The following DLG4 variants were observed in gnomAD, a reference collection of about 807,000 sequenced individuals.
DLG4 encodes discs large MAGUK scaffold protein 4.
In DLG4, 7 loss-of-function variants were observed where a neutral mutation model predicts 93.8. The ratio of observed to expected loss-of-function variants is 0.07; its 90% CI spans 0.04 to 0.14. The LOEUF is 0.14. Ranked by LOEUF, DLG4 falls within the 10% of genes least tolerant of loss-of-function variation. The probability of loss-of-function intolerance (pLI) is 1.00; values close to 1 mark genes in which losing one functional copy is unlikely to be tolerated. For synonymous variants in DLG4, 341 were observed against 387.6 expected (o/e 0.88, Z 1.41); for missense variants, 545 against 992.9 (o/e 0.55, Z 6.06).
chr17:7,194,073 T>G lies in DLG4; in HGVS notation c.1479-73A>C. 1.3e-6 allele frequency: 2 copies of G among 1,564,856 alleles called. No homozygotes were observed. The highest frequency in any genetic ancestry group is 4.6e-5 in the East Asian group (2 of 43,146). ...TGCCACCCCCATGCTCTGAGCCAGC[T>G]GACAACCCCTTCTCCATACTCTGGG... On this transcript the variant is annotated intron_variant, in intron 12 of 19. Transcript: ENST00000399506. The surrounding 1 kb of genome is among the most constrained non-coding windows in gnomAD (Gnocchi z 4.4).
In DLG4 at chr17:7,191,464, C is replaced by CAA. The variant is rs112846923; in HGVS notation, c.1977-108_1977-107dup. 136 of 674,004 alleles carry CAA rather than the reference C, an allele frequency of 2.0e-4. No individual in the cohort carries two copies. The highest frequency in any genetic ancestry group is 1.3e-3 in the African/African-American group (70 of 53,572). 41.8% of individuals were successfully genotyped at this position (674,004 alleles called of 1,614,324 possible). ...GTATTCTTCTATTTGGAGCACATAG[C>CAA]AAAAAAAAAAATACAATTCCCAATA... is the stretch of plus-strand genomic sequence containing the variant. On this transcript the variant is annotated intron_variant, in intron 18 of 19. Transcript: ENST00000399506. The surrounding 1 kb of genome is among the most constrained non-coding windows in gnomAD (Gnocchi z 6.6).
rs1020381994 is a variant in DLG4, at chr17:7,194,891, T to C, written c.1302-396A>G. Among the ~76,000 whole-genome samples, 6 of 151,448 alleles carry C rather than the reference T, an allele frequency of 4.0e-5. No individual in the cohort carries two copies. Among genetic ancestry groups the C allele is most frequent in the East Asian group, 1.9e-4 (1 of 5,132 alleles). On this transcript the variant is annotated intron_variant, in intron 11 of 19. Transcript: ENST00000399506. The surrounding 1 kb of genome is among the most constrained non-coding windows in gnomAD (Gnocchi z 4.4). ...AATATTAGCCGGGCACGGTGGCGGG[T>C]GCCTGTATTCCCAGCTTCTCGGGAG...
intron 1 of DLG4, chr17:7,213,952 G>A (rs2142926455): frequency 2.3e-6 from 1 of 440,036 alleles, no homozygotes; most frequent in East Asian, 7.3e-5. Context: ...TTTCCTTCTA[G>A]AATAGAAAAC....
intron 1 of DLG4, among the ~76,000 whole-genome samples, chr17:7,215,363 C>A (rs2070866016): frequency 6.6e-6 from 1 of 152,202 alleles, no homozygotes; most frequent in African/African-American, 2.4e-5. Context: ...ACCCACCCAC[C>A]CAGAATAGCT....
In DLG4 at chr17:7,203,138, G is replaced by A; in HGVS notation, c.642+55C>T. The A allele has an allele frequency of 3.2e-6, 5 of 1,569,614 alleles. No individual in the cohort carries two copies. The highest frequency in any genetic ancestry group is 3.5e-6 in the Non-Finnish European group (4 of 1,149,878). On this transcript the variant is annotated intron_variant, in intron 7 of 19. Coordinates refer to ENST00000399506, the MANE Select transcript of DLG4 (RefSeq NM_001321075.3). This position sits in a 1 kb window ranked among gnomAD's most constrained non-coding sequence, Gnocchi z 7.2. ...AAGTGATGAACTTGGGCCTGCCAGG[G>A]CTAGTAGGTGAGACCCAAATCTGGG...
chr17:7,196,880 G>A lies in DLG4; in HGVS notation c.960C>T (p.Ser320=). The change falls in exon 9 of 20, where the codon TCC becomes TCT. Residue 320 remains serine (S), a synonymous_variant. Coordinates refer to ENST00000399506, the MANE Select transcript of DLG4 (RefSeq NM_001321075.3). This position sits in a 1 kb window ranked among gnomAD's most constrained non-coding sequence, Gnocchi z 8.3. ...CCACGATGTTGAAGCCCAGGCCCGTGGAGCCCCGGTGGATCACAATTCGCC... is the reference window on the plus strand; with the variant it reads ...CCACGATGTTGAAGCCCAGGCCCGTAGAGCCCCGGTGGATCACAATTCGCC... The part of the protein sequence containing the change: ...EPRRIVIHRG[S]TGLGFNIVGG... 8 of 1,613,852 alleles carry A rather than the reference G, an allele frequency of 5.0e-6. No homozygotes were observed. The highest frequency in any genetic ancestry group is 6.8e-6 in the Non-Finnish European group (8 of 1,179,846).
upstream of DLG4, chr17:7,218,450 T>C (rs1315539386): frequency 6.3e-6 from 9 of 1,432,460 alleles, no homozygotes; most frequent in Non-Finnish European, 8.7e-6. Flanking sequence ...TGCTCCAGCT[T>C]GGACCAAATG....
chr17:7,194,544 A>G lies in DLG4; in HGVS notation c.1302-49T>C. ...CAGAGCCCAGCTGAGGACTCCAGGA[A>G]GGATGCCCCAGTCACCCAAAGACCC... is the stretch of plus-strand genomic sequence containing the variant. On this transcript the variant is annotated intron_variant, in intron 11 of 19. Coordinates refer to ENST00000399506, the MANE Select transcript of DLG4 (RefSeq NM_001321075.3). This position sits in a 1 kb window ranked among gnomAD's most constrained non-coding sequence, Gnocchi z 4.4. 2 of 1,551,834 alleles carry G rather than the reference A, an allele frequency of 1.3e-6. No homozygotes were observed. The highest frequency in any genetic ancestry group is 1.2e-5 in the South Asian group (1 of 83,978).
chr17:7,210,178 GA>G (rs1342083963), intron 1 of DLG4, among the ~76,000 whole-genome samples: 2 of 152,188 alleles, frequency 1.3e-5, no homozygotes, highest in East Asian at 3.8e-4. Flanking sequence ...GCCAATCCTT[GA>G]GTAGGATTCT....
In DLG4 at chr17:7,194,624, C is replaced by T. The variant is rs960445571; in HGVS notation, c.1302-129G>A. 3 of 967,418 alleles carry T rather than the reference C, an allele frequency of 3.1e-6. No homozygotes were observed. Among genetic ancestry groups the T allele is most frequent in the Non-Finnish European group, 4.5e-6 (3 of 664,460 alleles). The allele number at this position is 967,418 out of a possible 1,614,324, so 59.9% of individuals were successfully genotyped here. On this transcript the variant is annotated intron_variant, in intron 11 of 19. Transcript: ENST00000399506. This position sits in a 1 kb window ranked among gnomAD's most constrained non-coding sequence, Gnocchi z 4.4. Reference sequence around the variant, plus strand: ...TGGGAGCTATGGATGCCGAGGAACCCAAAACTGTGTGGGGACCAAACGCTG... The same window carrying T: ...TGGGAGCTATGGATGCCGAGGAACCTAAAACTGTGTGGGGACCAAACGCTG...
upstream of DLG4, chr17:7,219,896 A>G: frequency 7.5e-7 from 1 of 1,332,128 alleles, no homozygotes; most frequent in Non-Finnish European, 1.0e-6. Context: ...GTGGACGATG[A>G]GTCAGGGTTA....
At chr17:7,190,947 G>A (rs2736879) in intron 19 of DLG4, 133 bp from the exon 20 acceptor site, 42 of 613,058 alleles carry the variant, frequency 6.9e-5, no homozygotes, top group African/African-American at 6.7e-4. Context: ...GGCTGCACCC[G>A]CCCACAGGGG....
At position 7,203,744 on chromosome 17, in the gene DLG4, A is replaced by T. The variant is rs1387663370; in HGVS notation, c.283T>A (p.Phe95Ile). Residue 95 changes from phenylalanine (F) to isoleucine (I), a missense_variant, in exon 5 of 20, where the codon TTC becomes ATC. This residue lies in a region of DLG4 where 33 missense variants were observed against 107.5 expected (regional missense o/e 0.31). Transcript: ENST00000399506. The surrounding 1 kb of genome is among the most constrained non-coding windows in gnomAD (Gnocchi z 7.2). ...NPHIGDDPSI[F>I]ITKIIPGGAA... Reference sequence around the variant, plus strand: ...CCACCAGGAATGATCTTGGTGATGAAAATGGATGGGTCGTCACCGATGTGT... The same window carrying T: ...CCACCAGGAATGATCTTGGTGATGATAATGGATGGGTCGTCACCGATGTGT... 6.2e-7 allele frequency: 1 copy of T among 1,613,786 alleles called. No homozygotes were observed. Among genetic ancestry groups the T allele is most frequent in the Admixed American group, 1.7e-5 (1 of 60,012 alleles).
chr17:7,200,782 G>A (rs554478771), intron 8 of DLG4, among the ~76,000 whole-genome samples: 4 of 151,560 alleles, frequency 2.6e-5, no homozygotes, highest in Admixed American at 2.6e-4. Flanking sequence ...CCAACCTCAG[G>A]TGACTCACCC....
upstream of DLG4, chr17:7,218,371 A>T: frequency 6.8e-7 from 1 of 1,468,990 alleles, no homozygotes; most frequent in Non-Finnish European, 9.3e-7. Flanking sequence ...CTGGCTGGCA[A>T]GGGAGGAGCC....
intron 8 of DLG4, among the ~76,000 whole-genome samples, chr17:7,201,608 C>T (rs912410572): frequency 3.9e-5 from 6 of 152,064 alleles, no homozygotes; most frequent in African/African-American, 9.7e-5. Flanking sequence ...AGGCCGGGCG[C>T]GGTGGCTCAC....
chr17:7,196,455 G>T lies in DLG4; in HGVS notation c.1186+18C>A. On this transcript the variant is annotated intron_variant, in intron 10 of 19. Transcript: ENST00000399506. The surrounding 1 kb of genome is among the most constrained non-coding windows in gnomAD (Gnocchi z 8.3). ...GGGCCATTTCAGCTCACAAGACAAG[G>T]AACTTCCGGCCTGGTACCTTCTGGT... The T allele has an allele frequency of 6.2e-7, 1 of 1,613,608 alleles. No homozygotes were observed. The highest frequency in any genetic ancestry group is 1.1e-5 in the South Asian group (1 of 91,060).
In DLG4 at chr17:7,187,714, C is replaced by T. The variant is rs572110294; in HGVS notation, c.*2994G>A. ...TCTCCCTTCAGCTCACGATAGAGAA[C>T]GTTATCACAGCCTCAAGCCATCTGC... is the stretch of plus-strand genomic sequence containing the variant. On this transcript the variant is annotated 3_prime_UTR_variant, in exon 20 of 20. Transcript: ENST00000399506. 6.6e-5 allele frequency among the ~76,000 whole-genome samples: 10 copies of T among 152,150 alleles called. No individual in the cohort carries two copies. In the East Asian group the frequency reaches 1.7e-3, roughly 27 times the overall value.
At chr17:7,202,087 T>C (rs2070166940) in intron 8 of DLG4, among the ~76,000 whole-genome samples, 1 of 152,148 alleles carries the variant, frequency 6.6e-6, no homozygotes, top group Non-Finnish European at 1.5e-5. Context: ...TTTAAGATAA[T>C]CACATCGTTT....
Sources: allele counts gnomAD v4.1 joint callset (sites outside exome capture counted in the v4.1 genomes callset), GRCh38; gene constraint gnomAD v4.1.1; regional missense constraint gnomAD v4.1.1; non-coding constraint Gnocchi (gnomAD v3.1); transcripts MANE v1.5; gene names NCBI Gene and HGNC (gene_info 2026-07-23, HGNC 2026-07-21).